The following CPD variants were observed in gnomAD, a reference collection of about 807,000 sequenced individuals.
CPD encodes the protein carboxypeptidase D.
A neutral mutation model predicts 138.3 loss-of-function variants in CPD; 69 were observed. The observed-to-expected ratio is 0.50, with a 90% CI of 0.41 to 0.61. The LOEUF (loss-of-function observed/expected upper bound fraction) is 0.61, where lower values mean the gene tolerates loss of function less well. Among genes scored for constraint, CPD ranks in the 20% least tolerant of loss-of-function variants. The pLI is 0.00. For synonymous variants in CPD, 651 were observed against 642.1 expected, an observed-to-expected ratio of 1.01 and a Z score of -0.21; for missense variants, 1,432 against 1,733.3, an observed-to-expected ratio of 0.83 and a Z score of 3.09.
chr17:30,416,264 G>T (rs1426542589), intron 2 of CPD, among the ~76,000 whole-genome samples: 1 of 152,130 alleles, frequency 6.6e-6, no homozygotes, highest in African/African-American at 2.4e-5. Flanking sequence ...CCTGGGAGGC[G>T]GAGGTTGCGG....
chr17:30,412,862 C>T (rs928377263), intron 2 of CPD, among the ~76,000 whole-genome samples: 33 of 152,324 alleles, frequency 2.2e-4, no homozygotes, highest in Middle Eastern at 3.4e-3. Context: ...TGCCCTGCTT[C>T]GACTTGCCCT....
chr17:30,394,001 G>A (rs1911425438), intron 2 of CPD, among the ~76,000 whole-genome samples: 1 of 151,634 alleles, frequency 6.6e-6, no homozygotes, highest in Non-Finnish European at 1.5e-5. Flanking sequence ...GGGGCATGGT[G>A]ATGCACCCCT....
In CPD at chr17:30,379,745, C is replaced by T. The variant is rs777880754; in HGVS notation, c.746+19C>T. On this transcript the variant is annotated intron_variant, in intron 1 of 20. Coordinates refer to ENST00000225719, the MANE Select transcript of CPD (RefSeq NM_001304.5). The surrounding 1 kb of genome is among the most constrained non-coding windows in gnomAD (Gnocchi z 7.0). ...GGAACAAGTGAGTGTTGCCTGCCCCCTCCCCGTCCGTGTGAGCCTCCAAGG... is the reference window on the plus strand; with the variant it reads ...GGAACAAGTGAGTGTTGCCTGCCCCTTCCCCGTCCGTGTGAGCCTCCAAGG... 13 of 1,426,484 alleles carry T rather than the reference C, an allele frequency of 9.1e-6. No individual in the cohort carries two copies. Among genetic ancestry groups the T allele is most frequent in the Middle Eastern group, 1.8e-4 (1 of 5,414 alleles). 88.4% of individuals were successfully genotyped at this position (1,426,484 alleles called of 1,614,324 possible).
chr17:30,452,210 G>A (rs970819517), intron 14 of CPD, among the ~76,000 whole-genome samples: 5 of 151,786 alleles, frequency 3.3e-5, no homozygotes, highest in Non-Finnish European at 7.4e-5. Context: ...ACTTAAATGG[G>A]ACCTTTTTCA....
Position 30,420,269 on chromosome 17 carries a change from A to G in CPD, c.995-572A>G, listed in dbSNP as rs79116726. ...GATTTGTGTAGCTGTGCCACCCTAGATAACAGTTTTTCTTTTTGCTCTTGC... is the reference window on the plus strand; with the variant it reads ...GATTTGTGTAGCTGTGCCACCCTAGGTAACAGTTTTTCTTTTTGCTCTTGC... On this transcript the variant is annotated intron_variant, in intron 2 of 20. Transcript: ENST00000225719. 2.4e-3 allele frequency among the ~76,000 whole-genome samples: 366 copies of G among 152,316 alleles called. 2 individuals are homozygous for G. The highest frequency in any genetic ancestry group is 8.3e-3 in the African/African-American group (345 of 41,568).
rs184802914 is a variant in CPD, at chr17:30,412,747, T to G, written c.995-8094T>G. Among the ~76,000 whole-genome samples the G allele has an allele frequency of 4.7e-4, 71 of 152,296 alleles. 1 individual carries two copies. Among genetic ancestry groups the G allele is most frequent in the African/African-American group, 1.7e-3 (70 of 41,562 alleles). Reference sequence around the variant, plus strand: ...AAGACCATGGGAAAAGCACAGTATTTGGGCAAAAGAGTACTGTTTTTCCAG... The same window carrying G: ...AAGACCATGGGAAAAGCACAGTATTGGGGCAAAAGAGTACTGTTTTTCCAG... On this transcript the variant is annotated intron_variant, in intron 2 of 20. Transcript: ENST00000225719.
At chr17:30,380,361 G>C in intron 1 of CPD, 1 of 606,564 alleles carries the variant, frequency 1.6e-6, no homozygotes, top group Non-Finnish European at 2.2e-6. Flanking sequence ...TTTGACAGAA[G>C]CTGATTTTTC....
chr17:30,464,126 C>G (rs138651100), intron 20 of CPD, among the ~76,000 whole-genome samples: 2,113 of 152,204 alleles, frequency 0.014, 23 homozygotes, highest in Middle Eastern at 0.048. Flanking sequence ...CATGGTGGCT[C>G]ACGCCTGTAA....
rs1004793373 is a variant in CPD at position 30,423,613 on chromosome 17, C to T, written c.1765C>T (p.Pro589Ser). ...EYLCKNFGTD[P>S]EVTDLVHNTR... ...CCTTTGTAAGAACTTTGGAACAGAC[C>T]CTGAAGTCACAGATTTGGTTCATAA... The change falls in exon 6 of 21, where the codon CCT (proline) becomes TCT (serine). Residue 589 changes from proline to serine, a missense_variant. Pro to Ser is a moderately conservative substitution (Grantham distance 74). Around this residue, in one of 6 missense-constraint regions of CPD, gnomAD observed 297 missense variants for 405.3 expected, o/e 0.73. Transcript: ENST00000225719. The T allele has an allele frequency of 1.7e-5, 27 of 1,612,400 alleles. No individual in the cohort carries two copies. Among genetic ancestry groups the T allele is most frequent in the Non-Finnish European group, 2.3e-5 (27 of 1,179,258 alleles).
In CPD at chr17:30,449,765, G is replaced by A. The variant is rs761031727; in HGVS notation, c.3069+17G>A. 4 of 1,532,212 alleles carry A rather than the reference G, an allele frequency of 2.6e-6. No individual in the cohort carries two copies. In the Admixed American group the frequency reaches 1.0e-4, roughly 38 times the overall value. The allele number at this position is 1,532,212 out of a possible 1,614,324, so 94.9% of individuals were successfully genotyped here. On this transcript the variant is annotated intron_variant, in intron 13 of 20. Transcript: ENST00000225719. ...GTTACCCAAGTAAGAGAATAGCCGA[G>A]GTTGACATGCTTTAAAAGGAAAAAG...
chr17:30,435,352 T>C (rs1284556380), intron 8 of CPD, among the ~76,000 whole-genome samples: 1 of 151,628 alleles, frequency 6.6e-6, no homozygotes, highest in Non-Finnish European at 1.5e-5. Context: ...TAAATTCTTA[T>C]GTTGATGGTC....
chr17:30,399,077 G>A (rs758961159), intron 2 of CPD, among the ~76,000 whole-genome samples: 8 of 151,790 alleles, frequency 5.3e-5, no homozygotes, highest in Admixed American at 2.6e-4. Context: ...CAGAGGAAAC[G>A]TGCTTTACTT....
chr17:30,418,366 A>G (rs1912174301), intron 2 of CPD, among the ~76,000 whole-genome samples: 1 of 151,802 alleles, frequency 6.6e-6, no homozygotes. Flanking sequence ...TATTTTTTGT[A>G]GAGATGGGGT....
At chr17:30,450,375 G>T in intron 13 of CPD, 1 of 152,236 alleles carries the variant, frequency 6.6e-6, no homozygotes, top group South Asian at 2.0e-4. Context: ...TTTACATTCT[G>T]ACTTGAGGGA....
intron 20 of CPD, among the ~76,000 whole-genome samples, chr17:30,463,565 AG>A (rs746336362): frequency 2.0e-5 from 3 of 152,190 alleles, no homozygotes; most frequent in African/African-American, 7.2e-5. Flanking sequence ...GATTACTGAA[AG>A]GTTAGGAAGG....
intron 14 of CPD, among the ~76,000 whole-genome samples, chr17:30,452,815 C>T (rs1347467573): frequency 6.6e-6 from 1 of 151,886 alleles, no homozygotes; most frequent in Non-Finnish European, 1.5e-5. Context: ...TTTAATTTGA[C>T]TTACAGCTCT....
chr17:30,397,487 C>G (rs1330490018), intron 2 of CPD, among the ~76,000 whole-genome samples: 1 of 151,988 alleles, frequency 6.6e-6, no homozygotes, highest in African/African-American at 2.4e-5. Flanking sequence ...GATCCTGGCA[C>G]TTTGGGAGGC....
chr17:30,449,312 G>A (rs1264704739), intron 12 of CPD, among the ~76,000 whole-genome samples: 1 of 152,000 alleles, frequency 6.6e-6, no homozygotes, highest in African/African-American at 2.4e-5. Flanking sequence ...TGGAAGGATG[G>A]TAAACTAAAT....
intron 2 of CPD, among the ~76,000 whole-genome samples, chr17:30,390,951 T>A (rs1308224204): frequency 6.6e-6 from 1 of 151,904 alleles, no homozygotes; most frequent in East Asian, 1.9e-4. Flanking sequence ...TGCCTCAGTC[T>A]CCTGAGTAGC....
Sources: allele counts gnomAD v4.1 joint callset (sites outside exome capture counted in the v4.1 genomes callset), GRCh38; gene constraint gnomAD v4.1.1; regional missense constraint gnomAD v4.1.1; non-coding constraint Gnocchi (gnomAD v3.1); transcripts MANE v1.5; gene names NCBI Gene and HGNC (gene_info 2026-07-23, HGNC 2026-07-21).